Variants in TVP23A observed in about 807,000 individuals in gnomAD.
The protein encoded by TVP23A is trans-golgi network vesicle protein 23 homolog A.
In TVP23A, 21 loss-of-function variants were observed where a neutral mutation model predicts 31.7. That is an observed-to-expected ratio of 0.66 (90% CI 0.47 to 0.95). The LOEUF is 0.95. TVP23A is among the 40% of genes least tolerant of loss of function. TVP23A has a pLI of 0.00. For synonymous variants in TVP23A, 104 were observed against 96.0 expected (o/e 1.08, Z -0.49); for missense variants, 279 against 255.6 (o/e 1.09, Z -0.62).
intron 2 of TVP23A, among the ~76,000 whole-genome samples, chr16:10,802,678 T>A (rs981818939): frequency 2.6e-5 from 4 of 152,206 alleles, no homozygotes; most frequent in Non-Finnish European, 4.4e-5. Flanking sequence ...AAGTTTTTTT[T>A]AAGTTATTTT....
chr16:10,781,613 G>C (rs770136069), intron 2 of TVP23A, among the ~76,000 whole-genome samples: 1 of 152,098 alleles, frequency 6.6e-6, no homozygotes, highest in African/African-American at 2.4e-5. Flanking sequence ...ATTTCAGGTG[G>C]GACCTGGACA....
Position 10,767,344 on chromosome 16 carries a change from G to T in TVP23A, c.*1758C>A. The T allele has an allele frequency of 2.5e-6, 1 of 399,516 alleles. No homozygotes were observed. The highest frequency in any genetic ancestry group is 4.4e-6 in the Non-Finnish European group (1 of 226,776). The allele number at this position is 399,516 out of a possible 1,614,324, so 24.7% of individuals were successfully genotyped here. ...GGACTGGAACAATGGCCACATGGCG[G>T]GGAAAGACTAGCAGACTGATAGACA... On this transcript the variant is annotated 3_prime_UTR_variant, in exon 8 of 8. Coordinates refer to ENST00000299866, the MANE Select transcript of TVP23A (RefSeq NM_001079512.4). This position sits in a 1 kb window ranked among gnomAD's most constrained non-coding sequence, Gnocchi z 4.6.
chr16:10,761,358 T>G, exon 9 of TVP23A: 2 of 1,613,188 alleles, frequency 1.2e-6, no homozygotes, highest in Non-Finnish European at 1.7e-6. Flanking sequence ...CTTTTCACCT[T>G]CGTAGGAGGT....
At chr16:10,811,538 G>C (rs2034198909) in intron 2 of TVP23A, among the ~76,000 whole-genome samples, 1 of 151,920 alleles carries the variant, frequency 6.6e-6, no homozygotes. Flanking sequence ...CCAAAGTGCT[G>C]GAACTACAGG....
At chr16:10,801,346 G>A (rs929015281) in intron 2 of TVP23A, among the ~76,000 whole-genome samples, 4 of 152,174 alleles carry the variant, frequency 2.6e-5, no homozygotes, top group African/African-American at 9.7e-5. Context: ...CCAAATTAAA[G>A]TGTATTCCTC....
intron 2 of TVP23A, among the ~76,000 whole-genome samples, chr16:10,807,313 T>C (rs1169434402): frequency 6.6e-6 from 1 of 152,212 alleles, no homozygotes; most frequent in Non-Finnish European, 1.5e-5. Context: ...ATCAATACTG[T>C]CACCTGTGCC....
chr16:10,765,327 TAAAAAAA>T (rs533208449), downstream of TVP23A, among the ~76,000 whole-genome samples: 38 of 111,270 alleles, frequency 3.4e-4, no homozygotes, highest in Non-Finnish European at 4.4e-4. This position sits in a 1 kb window ranked among gnomAD's most constrained non-coding sequence, Gnocchi z 4.0. Flanking sequence ...CCTCATCTCT[TAAAAAAA>T]AAAAAAAAAA....
intron 2 of TVP23A, among the ~76,000 whole-genome samples, chr16:10,814,529 T>A (rs1273518601): frequency 2.6e-5 from 4 of 152,008 alleles, no homozygotes; most frequent in Non-Finnish European, 5.9e-5. Context: ...TCTGGGCCCC[T>A]TTCCTCTGTC....
intron 2 of TVP23A, among the ~76,000 whole-genome samples, chr16:10,799,038 A>G (rs970109484): frequency 6.6e-6 from 1 of 152,166 alleles, no homozygotes; most frequent in Non-Finnish European, 1.5e-5. Flanking sequence ...GAGCAGCCCT[A>G]TGTTGAGAGG....
downstream of TVP23A, chr16:10,761,918 T>G: frequency 2.9e-6 from 4 of 1,381,880 alleles, no homozygotes; most frequent in Non-Finnish European, 4.1e-6. Flanking sequence ...CAGGCACGGG[T>G]CGGGCACAAC....
At chr16:10,790,041 A>G (rs1003725233) in intron 2 of TVP23A, among the ~76,000 whole-genome samples, 2 of 152,166 alleles carry the variant, frequency 1.3e-5, no homozygotes, top group African/African-American at 4.8e-5. Context: ...TGTGGAGACC[A>G]AGGTTCTTTT....
chr16:10,813,658 AG>A (rs2034301315), intron 2 of TVP23A, among the ~76,000 whole-genome samples: 1 of 152,160 alleles, frequency 6.6e-6, no homozygotes, highest in Non-Finnish European at 1.5e-5. Context: ...CTTAGATAAT[AG>A]TTTTCAGAGG....
chr16:10,816,925 TCACACACACACACACACA>T (rs58142989), intron 2 of TVP23A, among the ~76,000 whole-genome samples: 1 of 145,908 alleles, frequency 6.9e-6, no homozygotes, highest in African/African-American at 2.5e-5. Flanking sequence ...CAGGGAAACT[TCACACACACACACACACA>T]CACACACACA....
chr16:10,800,968 G>C (rs1386712632), intron 2 of TVP23A, among the ~76,000 whole-genome samples: 1 of 152,160 alleles, frequency 6.6e-6, no homozygotes, highest in African/African-American at 2.4e-5. Context: ...TGCAGCCTGG[G>C]CAACAGAGCA....
intron 2 of TVP23A, among the ~76,000 whole-genome samples, chr16:10,817,022 G>T (rs145093942): frequency 6.6e-6 from 1 of 151,446 alleles, no homozygotes; most frequent in Non-Finnish European, 1.5e-5. Flanking sequence ...CCTTGAAGAC[G>T]GAGGAACAGG....
At chr16:10,778,207 G>A (rs1176374006) in intron 2 of TVP23A, among the ~76,000 whole-genome samples, 8 of 152,072 alleles carry the variant, frequency 5.3e-5, no homozygotes, top group East Asian at 1.9e-4. Context: ...GGTGGCAGGT[G>A]CCTGTAATCC....
rs115145199 is a variant in TVP23A, at chr16:10,770,101, T to C, written c.*171A>G. On this transcript the variant is annotated intron_variant, in intron 7 of 7. Transcript: ENST00000299866. ...CTCCTCACGCCAAGAGCAATGAGGC[T>C]GCAAAGCCCAGGGCAGGCCCATTGC... 7.5e-3 allele frequency among the ~76,000 whole-genome samples: 1,149 copies of C among 152,352 alleles called. 16 individuals carry two copies. The highest frequency in any genetic ancestry group is 0.026 in the African/African-American group (1,099 of 41,576).
chr16:10,790,316 G>A (rs1045188264), intron 2 of TVP23A, among the ~76,000 whole-genome samples: 5 of 123,484 alleles, frequency 4.0e-5, no homozygotes, highest in African/African-American at 1.6e-4. Flanking sequence ...ACGGAGTCTC[G>A]CACTGTCGCC....
intron 2 of TVP23A, among the ~76,000 whole-genome samples, chr16:10,808,209 ATTG>A (rs956221764): frequency 4.7e-4 from 72 of 152,300 alleles, no homozygotes; most frequent in African/African-American, 1.7e-3. Context: ...AGTGTTTGCT[ATTG>A]TTATTTTTCA....
Sources: allele counts gnomAD v4.1 joint callset (sites outside exome capture counted in the v4.1 genomes callset), GRCh38; gene constraint gnomAD v4.1.1; non-coding constraint Gnocchi (gnomAD v3.1); transcripts MANE v1.5; gene names NCBI Gene and HGNC (gene_info 2026-07-23, HGNC 2026-07-21).